LRMDA: variants seen among roughly 807,000 people sequenced by gnomAD.
LRMDA encodes leucine rich melanocyte differentiation associated.
A neutral mutation model predicts 29.8 loss-of-function variants in LRMDA; 18 were observed. That is an observed-to-expected ratio of 0.60 (90% CI 0.42 to 0.90). The LOEUF is 0.90. Ranked by LOEUF, LRMDA falls within the 40% of genes least tolerant of loss-of-function variation. The pLI is 0.00. For missense variants in LRMDA, 273 were observed against 273.9 expected (o/e 1.00, Z 0.02); for synonymous variants, 125 against 109.4 (o/e 1.14, Z -0.89).
intron 5 of LRMDA, among the ~76,000 whole-genome samples, chr10:76,320,131 T>C (rs1420797259): frequency 1.3e-5 from 2 of 152,248 alleles, no homozygotes; most frequent in African/African-American, 4.8e-5. Flanking sequence ...GCACGTCTGT[T>C]GTAGAATACA....
intron 2 of LRMDA, among the ~76,000 whole-genome samples, chr10:75,537,984 T>C (rs1232963847): frequency 6.6e-6 from 1 of 152,212 alleles, no homozygotes; most frequent in Non-Finnish European, 1.5e-5. Context: ...TACTGAGGTA[T>C]GCTCTTCTCT....
At chr10:75,505,088 T>C (rs1420432225) in intron 2 of LRMDA, among the ~76,000 whole-genome samples, 1 of 152,048 alleles carries the variant, frequency 6.6e-6, no homozygotes, top group Non-Finnish European at 1.5e-5. Flanking sequence ...CACACCTGAG[T>C]GCCTGGCTTG....
intron 2 of LRMDA, among the ~76,000 whole-genome samples, chr10:75,441,521 G>A (rs1358218837): frequency 6.6e-6 from 1 of 152,184 alleles, no homozygotes; most frequent in African/African-American, 2.4e-5. Flanking sequence ...GGTTGAGATA[G>A]CACTGTTTCT....
intron 5 of LRMDA, among the ~76,000 whole-genome samples, chr10:76,148,396 A>C (rs10762699): frequency 0.7 from 105,966 of 151,998 alleles, 37,576 homozygotes; most frequent in East Asian, 0.85. Context: ...CAATGGCGGG[A>C]ACCCCTCCCC....
chr10:76,200,914 G>A (rs915858049), intron 5 of LRMDA, among the ~76,000 whole-genome samples: 2 of 150,534 alleles, frequency 1.3e-5, no homozygotes, highest in Non-Finnish European at 3.0e-5. Flanking sequence ...ATGGGGTTTC[G>A]CCATGTTGGC....
intron 2 of LRMDA, among the ~76,000 whole-genome samples, chr10:75,854,151 G>A (rs942784520): frequency 4.6e-5 from 7 of 152,178 alleles, no homozygotes; most frequent in Non-Finnish European, 8.8e-5. Flanking sequence ...AGGAGCTCAT[G>A]CGAATGAGTG....
At chr10:75,735,768 A>G (rs910990984) in intron 2 of LRMDA, among the ~76,000 whole-genome samples, 1 of 152,212 alleles carries the variant, frequency 6.6e-6, no homozygotes, top group African/African-American at 2.4e-5. Context: ...AGAAGCCGCT[A>G]TCAGCTACCC....
intron 6 of LRMDA, among the ~76,000 whole-genome samples, chr10:76,418,648 A>G (rs1259740592): frequency 6.6e-6 from 1 of 151,966 alleles, no homozygotes; most frequent in Non-Finnish European, 1.5e-5. Flanking sequence ...GACCTCTAGT[A>G]CAATATTGAA....
intron 2 of LRMDA, among the ~76,000 whole-genome samples, chr10:75,766,444 T>G (rs545321619): frequency 2.2e-4 from 34 of 152,316 alleles, no homozygotes; most frequent in South Asian, 1.2e-3. Flanking sequence ...AGACAGAGCT[T>G]CTCATTTCCC....
Position 76,217,219 on chromosome 10 carries a change from C to T in LRMDA, c.517-107182C>T, listed in dbSNP as rs185863859. ...TATAATAATATTTTTCCATCTTCCT[C>T]ATTGTTAAGTTGCATGGCTCAACTG... On this transcript the variant is annotated intron_variant, in intron 5 of 6. Coordinates refer to ENST00000611255, the MANE Select transcript of LRMDA (RefSeq NM_001305581.2). Among the ~76,000 whole-genome samples the T allele has an allele frequency of 2.8e-3, 420 of 152,260 alleles. 3 individuals are homozygous for T. Among genetic ancestry groups the T allele is most frequent in the Middle Eastern group, 0.01 (3 of 294 alleles).
At position 75,932,948 on chromosome 10, in the gene LRMDA, T is replaced by A. The variant is rs1376662238; in HGVS notation, c.132-103060T>A. On this transcript the variant is annotated intron_variant, in intron 2 of 6. Coordinates refer to ENST00000611255, the MANE Select transcript of LRMDA (RefSeq NM_001305581.2). ...GAAAGGTGTTTTGTAAACCATTAAATTACTTAACCAAAGCCTTAGTCAAGA... is the reference window on the plus strand; with the variant it reads ...GAAAGGTGTTTTGTAAACCATTAAAATACTTAACCAAAGCCTTAGTCAAGA... Among the ~76,000 whole-genome samples, 6 of 152,330 alleles carry A rather than the reference T, an allele frequency of 3.9e-5. No individual in the cohort carries two copies. In the East Asian group the frequency reaches 1.2e-3, roughly 29 times the overall value.
intron 2 of LRMDA, among the ~76,000 whole-genome samples, chr10:75,608,129 T>TATATATATATATATACATACAC (rs11271217): frequency 1.1e-5 from 1 of 89,548 alleles, no homozygotes; most frequent in Non-Finnish European, 2.7e-5. Context: ...TATATATATA[T>TATATATATATATATACATACAC]ACACACACAT....
intron 2 of LRMDA, among the ~76,000 whole-genome samples, chr10:75,735,874 C>G (rs1010532136): frequency 1.3e-5 from 2 of 152,170 alleles, no homozygotes; most frequent in African/African-American, 4.8e-5. Context: ...CACAGAGAGT[C>G]AGACACACAC....
chr10:75,950,187 G>C (rs954109599), intron 2 of LRMDA, among the ~76,000 whole-genome samples: 4 of 152,202 alleles, frequency 2.6e-5, no homozygotes, highest in Non-Finnish European at 4.4e-5. Context: ...CCAGTGACCA[G>C]GTACTCATAA....
chr10:75,549,793 ATCTCCTT>A (rs1247605036), intron 2 of LRMDA, among the ~76,000 whole-genome samples: 1 of 152,062 alleles, frequency 6.6e-6, no homozygotes, highest in African/African-American at 2.4e-5. Context: ...CCACTTTTCA[ATCTCCTT>A]TCTCCTTCCT....
chr10:75,970,550 A>C (rs939120688), intron 2 of LRMDA, among the ~76,000 whole-genome samples: 1 of 152,216 alleles, frequency 6.6e-6, no homozygotes, highest in African/African-American at 2.4e-5. Context: ...CCCACTGTGC[A>C]TCATGGTGCT....
chr10:75,592,902 C>T (rs1041617609), intron 2 of LRMDA, among the ~76,000 whole-genome samples: 6 of 152,128 alleles, frequency 3.9e-5, no homozygotes, highest in Non-Finnish European at 8.8e-5. Flanking sequence ...GTCTTATCTC[C>T]TATGCCTGGA....
At chr10:75,696,588 A>T (rs117411892) in intron 2 of LRMDA, among the ~76,000 whole-genome samples, 9 of 152,380 alleles carry the variant, frequency 5.9e-5, no homozygotes, top group Non-Finnish European at 1.2e-4. Flanking sequence ...GTGATGACTG[A>T]AGAGTATAAT....
intron 5 of LRMDA, among the ~76,000 whole-genome samples, chr10:76,077,437 G>A (rs531873242): frequency 6.6e-6 from 1 of 152,220 alleles, no homozygotes; most frequent in Non-Finnish European, 1.5e-5. Context: ...CAGGTTATCT[G>A]TCTTTGTCAT....
Sources: allele counts gnomAD v4.1 joint callset (sites outside exome capture counted in the v4.1 genomes callset), GRCh38; gene constraint gnomAD v4.1.1; transcripts MANE v1.5; gene names NCBI Gene and HGNC (gene_info 2026-07-23, HGNC 2026-07-21).